The following RPTOR variants were observed in gnomAD, a reference collection of about 807,000 sequenced individuals.
The protein encoded by RPTOR is regulatory-associated protein of mTOR.
RPTOR carries 21 observed loss-of-function variants against 169.9 expected under a neutral mutation model. The ratio of observed to expected loss-of-function variants is 0.12; its 90% CI spans 0.09 to 0.18. RPTOR has a LOEUF of 0.18. Among genes scored for constraint, RPTOR ranks in the 10% least tolerant of loss-of-function variants. The probability of loss-of-function intolerance (pLI) is 1.00; values close to 1 mark genes in which losing one functional copy is unlikely to be tolerated. For synonymous variants in RPTOR, 732 were observed against 753.2 expected (o/e 0.97, Z 0.46); for missense variants, 1,133 against 1,855.9 (o/e 0.61, Z 7.16).
intron 6 of RPTOR, among the ~76,000 whole-genome samples, chr17:80,766,521 T>C (rs1191633274): frequency 6.6e-6 from 1 of 152,248 alleles, no homozygotes; most frequent in Non-Finnish European, 1.5e-5. Context: ...GATCCCAGCA[T>C]GTGCGTTTTC....
intron 2 of RPTOR, among the ~76,000 whole-genome samples, chr17:80,631,339 T>TG (rs1268829369): frequency 1.3e-5 from 2 of 152,060 alleles, no homozygotes; most frequent in Non-Finnish European, 2.9e-5. Context: ...TCTCATGAAG[T>TG]GGGGGTGCAG....
chr17:80,597,946 C>G (rs2065156167), intron 1 of RPTOR, among the ~76,000 whole-genome samples: 1 of 152,004 alleles, frequency 6.6e-6, no homozygotes, highest in African/African-American at 2.4e-5. Context: ...TCAAGACCAG[C>G]CTGGGCCACA....
chr17:80,882,724 G>A (rs1301730765), intron 14 of RPTOR, among the ~76,000 whole-genome samples: 3 of 152,344 alleles, frequency 2.0e-5, no homozygotes, highest in South Asian at 4.1e-4. Flanking sequence ...GTTGGCACAC[G>A]TGTTGGCACA....
At chr17:80,867,838 A>G (rs147953358) in intron 13 of RPTOR, among the ~76,000 whole-genome samples, 1 of 152,236 alleles carries the variant, frequency 6.6e-6, no homozygotes, top group Non-Finnish European at 1.5e-5. Flanking sequence ...CACCAAAACT[A>G]CAAACCATTG....
chr17:80,592,901 G>A (rs975570640), intron 1 of RPTOR, among the ~76,000 whole-genome samples: 3 of 152,146 alleles, frequency 2.0e-5, no homozygotes, highest in African/African-American at 7.2e-5. Context: ...GCGCAATGGC[G>A]GGCAGTGCTG....
chr17:80,816,975 A>G (rs1254257761), intron 7 of RPTOR, among the ~76,000 whole-genome samples: 1 of 152,132 alleles, frequency 6.6e-6, no homozygotes, highest in Admixed American at 6.5e-5. Flanking sequence ...CTAGTGGAAG[A>G]CACACCCTCA....
At chr17:80,680,265 C>T (rs1567853698) in intron 3 of RPTOR, among the ~76,000 whole-genome samples, 1 of 152,210 alleles carries the variant, frequency 6.6e-6, no homozygotes, top group Non-Finnish European at 1.5e-5. Context: ...TTCTTGTTGA[C>T]TTATTCCGTT....
chr17:80,882,809 GGGAGCCCTGCAATAATCCAA>G (rs914058072), intron 14 of RPTOR, among the ~76,000 whole-genome samples: 7 of 152,226 alleles, frequency 4.6e-5, no homozygotes, highest in Admixed American at 3.3e-4. Flanking sequence ...CAGGTACCCT[GGGAGCCCTGCAATAATCCAA>G]GGAGCCCTGC....
chr17:80,689,378 C>T (rs1032735381), intron 3 of RPTOR, among the ~76,000 whole-genome samples: 13 of 152,240 alleles, frequency 8.5e-5, no homozygotes, highest in African/African-American at 3.1e-4. Flanking sequence ...GAGGACGCCA[C>T]CTGCTCCCTG....
rs985670867 is a variant in RPTOR, at chr17:80,965,224, C to T, written c.*894C>T. The T allele has an allele frequency of 8.6e-6, 2 of 233,232 alleles. No homozygotes were observed. Among genetic ancestry groups the T allele is most frequent in the African/African-American group, 4.4e-5 (2 of 45,362 alleles). The allele number at this position is 233,232 out of a possible 1,614,324, so 14.4% of individuals were successfully genotyped here. A position where few individuals can be genotyped will look rare whatever the true frequency, so the allele number is the denominator to read the frequency against. ...CCTGTGCCCTCACACAGGTGTAGCA[C>T]ACGCATGTGCAGATGGCACCACGGC... On this transcript the variant is annotated 3_prime_UTR_variant, in exon 34 of 34. Coordinates refer to ENST00000306801, the MANE Select transcript of RPTOR (RefSeq NM_020761.3).
At chr17:80,560,918 C>T (rs2084478158) in intron 1 of RPTOR, among the ~76,000 whole-genome samples, 1 of 91,696 alleles carries the variant, frequency 1.1e-5, no homozygotes, top group Admixed American at 9.6e-5. Flanking sequence ...GGAGCAGAGA[C>T]CCTGAGAAGA....
intron 9 of RPTOR, among the ~76,000 whole-genome samples, chr17:80,831,365 C>A (rs2067501634): frequency 6.6e-6 from 1 of 152,160 alleles, no homozygotes; most frequent in South Asian, 2.1e-4. Flanking sequence ...TCTGTGGAGT[C>A]CGTTATTGCA....
At chr17:80,950,205 G>T (rs35439443) in intron 28 of RPTOR, among the ~76,000 whole-genome samples, 1 of 152,226 alleles carries the variant, frequency 6.6e-6, no homozygotes, top group Non-Finnish European at 1.5e-5. Context: ...AGGAGTCATC[G>T]CTCTTCAGCG....
At chr17:80,763,647 A>C (rs1016457908) in intron 6 of RPTOR, among the ~76,000 whole-genome samples, 1 of 152,230 alleles carries the variant, frequency 6.6e-6, no homozygotes, top group Non-Finnish European at 1.5e-5. Context: ...AGGACCATAC[A>C]TCCAACAGGG....
At chr17:80,916,957 C>T (rs1321078926) in intron 21 of RPTOR, among the ~76,000 whole-genome samples, 1 of 152,022 alleles carries the variant, frequency 6.6e-6, no homozygotes, top group African/African-American at 2.4e-5. Flanking sequence ...CACTGCACTC[C>T]AGCCTGGCAA....
intron 1 of RPTOR, among the ~76,000 whole-genome samples, chr17:80,554,799 T>A (rs187192011): frequency 6.6e-6 from 1 of 151,554 alleles, no homozygotes; most frequent in East Asian, 1.9e-4. Flanking sequence ...AAAATGAGAA[T>A]CCAGTTGTCT....
chr17:80,608,045 A>T (rs530441291), intron 1 of RPTOR, among the ~76,000 whole-genome samples: 20 of 152,308 alleles, frequency 1.3e-4, no homozygotes, highest in Middle Eastern at 6.8e-3. Flanking sequence ...TGTATTGCTA[A>T]TGTTGGGTTT....
intron 10 of RPTOR, among the ~76,000 whole-genome samples, chr17:80,842,055 C>T (rs2067676235): frequency 1.3e-5 from 2 of 152,286 alleles, no homozygotes; most frequent in South Asian, 4.1e-4. Context: ...GCAGCTCACA[C>T]TCACGGCGCT....
intron 9 of RPTOR, among the ~76,000 whole-genome samples, chr17:80,833,808 G>T (rs2067533797): frequency 6.6e-6 from 1 of 152,172 alleles, no homozygotes; most frequent in South Asian, 2.1e-4. Flanking sequence ...TGACCAACAT[G>T]GTGAAACCCC....
Sources: gnomAD v4.1 joint callset for allele counts (sites outside exome capture counted in the v4.1 genomes callset) on GRCh38, gnomAD v4.1.1 for gene constraint, MANE v1.5 for transcripts, NCBI Gene and HGNC (gene_info 2026-07-23, HGNC 2026-07-21) for gene names.